The following JAKMIP3 variants were observed in gnomAD, a reference collection of about 807,000 sequenced individuals.
JAKMIP3 encodes the protein janus kinase and microtubule-interacting protein 3.
In JAKMIP3, 58 loss-of-function variants were observed where a neutral mutation model predicts 118.5. The observed-to-expected ratio is 0.49, with a 90% CI of 0.40 to 0.61. The LOEUF (loss-of-function observed/expected upper bound fraction) is 0.61, where lower values mean the gene tolerates loss of function less well. Ranked by LOEUF, JAKMIP3 falls within the 20% of genes least tolerant of loss-of-function variation. The probability of loss-of-function intolerance (pLI) is 0.00; values close to 1 mark genes in which losing one functional copy is unlikely to be tolerated. For synonymous variants in JAKMIP3, 486 were observed against 451.2 expected (o/e 1.08, Z -0.98); for missense variants, 950 against 1,109.0 (o/e 0.86, Z 2.04).
intron 22 of JAKMIP3, 90 bp from the exon 23 acceptor site, chr10:132,167,863 G>C: frequency 1.1e-6 from 1 of 948,254 alleles, no homozygotes; most frequent in Non-Finnish European, 1.4e-6. Flanking sequence ...CTCACCCCTC[G>C]GCCCTCGCCC....
chr10:132,157,210 C>T (rs1372524080), intron 19 of JAKMIP3, among the ~76,000 whole-genome samples: 1 of 152,132 alleles, frequency 6.6e-6, no homozygotes, highest in African/African-American at 2.4e-5. Context: ...GTTCTCTTCT[C>T]CTTCTCTGAA....
At chr10:132,136,259 G>C (rs560036198) in intron 6 of JAKMIP3, among the ~76,000 whole-genome samples, 183 bp downstream of exon 6, 11 of 152,354 alleles carry the variant, frequency 7.2e-5, no homozygotes, top group African/African-American at 2.6e-4. Context: ...CCTGGGGAGG[G>C]GGACCCTTGG....
rs1202099067 is a variant in JAKMIP3 at position 132,182,512 on chromosome 10, G to C, written c.*1259G>C. The C allele has an allele frequency of 6.6e-6, 1 of 152,210 alleles. No individual in the cohort carries two copies. The highest frequency in any genetic ancestry group is 1.9e-4 in the East Asian group (1 of 5,198). 9.4% of individuals were successfully genotyped at this position (152,210 alleles called of 1,614,324 possible). A position where few individuals can be genotyped will look rare whatever the true frequency, so the allele number is the denominator to read the frequency against. On this transcript the variant is annotated 3_prime_UTR_variant, in exon 24 of 24. Coordinates refer to ENST00000684848, the MANE Select transcript of JAKMIP3 (RefSeq NM_001323087.2). ...TGTCCTCCCACCCTAGGTGGGCTAA[G>C]GTTCTGCTCTCAGAGCTGAATTGAC...
In JAKMIP3 at chr10:132,139,246, GTGTA is replaced by G. The variant is rs760217410; in HGVS notation, c.1344+1072_1344+1075del. On this transcript the variant is annotated intron_variant, in intron 9 of 23. Transcript: ENST00000684848. ...CATGTGAGTGTATATGCATCTGTGTGTGTATGTGTGTGTGTGTATGTGTGTACAT... is the reference window on the plus strand; with the variant it reads ...CATGTGAGTGTATATGCATCTGTGTGTGTGTGTGTGTGTATGTGTGTACAT... Among the ~76,000 whole-genome samples the G allele has an allele frequency of 2.3e-3, 241 of 105,658 alleles. 16 individuals carry two copies. The highest frequency in any genetic ancestry group is 6.3e-3 in the East Asian group (27 of 4,254). 69.3% of individuals were successfully genotyped at this position (105,658 alleles called of 152,430 possible).
chr10:132,124,592 C>T lies in JAKMIP3; in HGVS notation c.633+7018C>T, dbSNP rs533659561. Reference sequence around the variant, plus strand: ...TGCCACATGGTCACCTGTCCCACCCCGGCACATCACAGCCGAGCCAGCCAG... The same window carrying T: ...TGCCACATGGTCACCTGTCCCACCCTGGCACATCACAGCCGAGCCAGCCAG... On this transcript the variant is annotated intron_variant, in intron 3 of 23. Coordinates refer to ENST00000684848, the MANE Select transcript of JAKMIP3 (RefSeq NM_001323087.2). 2.1e-3 allele frequency among the ~76,000 whole-genome samples: 313 copies of T among 151,326 alleles called. 1 individual carries two copies. Among genetic ancestry groups the T allele is most frequent in the African/African-American group, 6.9e-3 (283 of 41,218 alleles).
chr10:132,172,916 C>T (rs146756735), intron 23 of JAKMIP3, among the ~76,000 whole-genome samples: 2 of 151,066 alleles, frequency 1.3e-5, no homozygotes, highest in Non-Finnish European at 3.0e-5. Flanking sequence ...TGCACACCCA[C>T]ACACCTGTGC....
At chr10:132,062,939 GGA>G (rs1233177403), upstream of JAKMIP3, among the ~76,000 whole-genome samples, 1 of 152,198 alleles carries the variant, frequency 6.6e-6, no homozygotes, top group Non-Finnish European at 1.5e-5. Context: ...GGCTGTGTCA[GGA>G]CCTGCAATAT....
At chr10:132,170,189 C>G (rs1240026357) in intron 23 of JAKMIP3, 1 of 152,242 alleles carries the variant, frequency 6.6e-6, no homozygotes, top group East Asian at 1.9e-4. Context: ...TCTGGTCCCA[C>G]AGCAAGAGCT....
intron 10 of JAKMIP3, 57 bp downstream of exon 10, chr10:132,140,636 C>T (rs948489914): frequency 3.2e-6 from 4 of 1,235,428 alleles, no homozygotes; most frequent in African/African-American, 2.0e-5. Context: ...GGGTCTCCTG[C>T]CGGGTCCTGG....
chr10:132,165,011 G>A (rs1431629753), intron 21 of JAKMIP3, among the ~76,000 whole-genome samples: 1 of 152,162 alleles, frequency 6.6e-6, no homozygotes, highest in East Asian at 1.9e-4. Context: ...CCGCAGAGGA[G>A]CCACTCCTCT....
chr10:132,107,447 G>A (rs1220939220), intron 2 of JAKMIP3, among the ~76,000 whole-genome samples: 11 of 152,204 alleles, frequency 7.2e-5, no homozygotes, highest in African/African-American at 2.4e-4. Flanking sequence ...GGCACCCTGC[G>A]GGGCATGTTT....
chr10:132,165,839 G>A (rs1590013652), intron 21 of JAKMIP3, among the ~76,000 whole-genome samples: 1 of 152,236 alleles, frequency 6.6e-6, no homozygotes, highest in Non-Finnish European at 1.5e-5. Flanking sequence ...TCAAGGCACA[G>A]CCTTTGAGGC....
chr10:132,154,805 G>C (rs1192927150), intron 19 of JAKMIP3, among the ~76,000 whole-genome samples: 1 of 150,440 alleles, frequency 6.6e-6, no homozygotes, highest in Non-Finnish European at 1.5e-5. Flanking sequence ...AATGGTGGTG[G>C]TGATGATTGT....
At chr10:132,065,845 T>C (rs769427682), upstream of JAKMIP3, among the ~76,000 whole-genome samples, 4 of 152,104 alleles carry the variant, frequency 2.6e-5, no homozygotes, top group Non-Finnish European at 5.9e-5. This position sits in a 1 kb window ranked among gnomAD's most constrained non-coding sequence, Gnocchi z 5.6. Flanking sequence ...GCTCAAGGGC[T>C]CTGCTTGGAA....
intron 4 of JAKMIP3, 108 bp from the exon 5 acceptor site, chr10:132,134,933 G>T: frequency 7.3e-7 from 1 of 1,362,744 alleles, no homozygotes; most frequent in South Asian, 1.3e-5. Flanking sequence ...TGGAGGTAAA[G>T]GCGCGCGTCC....
chr10:132,122,391 C>T (rs928702910), intron 3 of JAKMIP3, among the ~76,000 whole-genome samples: 4 of 152,258 alleles, frequency 2.6e-5, no homozygotes, highest in South Asian at 4.1e-4. Context: ...TCTTCTGGGC[C>T]GAGGCTCCTG....
intron 1 of JAKMIP3, among the ~76,000 whole-genome samples, chr10:132,045,007 G>A (rs998599880): frequency 6.6e-6 from 1 of 152,108 alleles, no homozygotes; most frequent in African/African-American, 2.4e-5. Context: ...TGGACACTGG[G>A]GGGCTCCATG....
intron 1 of JAKMIP3, among the ~76,000 whole-genome samples, chr10:132,104,418 G>A (rs961503322): frequency 6.6e-6 from 1 of 152,188 alleles, no homozygotes; most frequent in Non-Finnish European, 1.5e-5. Flanking sequence ...GAATTCACCC[G>A]TGCTGAGTGT....
At chr10:132,087,740 G>A (rs1214076547) in intron 1 of JAKMIP3, among the ~76,000 whole-genome samples, 1 of 151,394 alleles carries the variant, frequency 6.6e-6, no homozygotes, top group Non-Finnish European at 1.5e-5. Context: ...TAAGTTCTAG[G>A]GTTCATGTGC....
Sources: allele counts gnomAD v4.1 joint callset (sites outside exome capture counted in the v4.1 genomes callset), GRCh38; gene constraint gnomAD v4.1.1; non-coding constraint Gnocchi (gnomAD v3.1); transcripts MANE v1.5; gene names NCBI Gene and HGNC (gene_info 2026-07-23, HGNC 2026-07-21).